Variants in TSPAN8 observed in about 807,000 individuals in gnomAD.
The protein encoded by TSPAN8 is tetraspanin-8.
TSPAN8 carries 21 observed loss-of-function variants against 32.8 expected under a neutral mutation model. The observed-to-expected ratio is 0.64, with a 90% CI of 0.45 to 0.92. TSPAN8 has a LOEUF of 0.92. Ranked by LOEUF, TSPAN8 falls within the 40% of genes least tolerant of loss-of-function variation. TSPAN8 has a pLI of 0.00. For missense variants in TSPAN8, 269 were observed against 281.9 expected, an observed-to-expected ratio of 0.95 and a Z score of 0.33; for synonymous variants, 95 against 94.6, an observed-to-expected ratio of 1.00 and a Z score of -0.03.
At chr12:71,133,095 A>AT (rs1195009935) in intron 6 of TSPAN8, among the ~76,000 whole-genome samples, 2 of 151,874 alleles carry the variant, frequency 1.3e-5, no homozygotes, top group Non-Finnish European at 2.9e-5. Context: ...TTTTATTTTT[A>AT]TTTTTTTGAG....
Position 71,132,700 on chromosome 12 carries a change from T to C in TSPAN8, c.569A>G (p.Tyr190Cys). The stretch of plus-strand genomic sequence containing the variant: ...ATGTGATTTAGTTCTCACCTCTTTG[T>C]AAACTTGTTTTCCATTATAGCTTTG... Reference protein sequence around the residue: ...PCQSYNGKQVYKETCISFIKD... With the variant: ...PCQSYNGKQVCKETCISFIKD... Residue 190 changes from tyrosine to cysteine, a missense_variant, in exon 7 of 9, where the codon TAC becomes TGC. Coordinates refer to ENST00000247829, the MANE Select transcript of TSPAN8 (RefSeq NM_004616.3). 6.2e-7 allele frequency: 1 copy of C among 1,613,764 alleles called. No homozygotes were observed. Among genetic ancestry groups the C allele is most frequent in the South Asian group, 1.1e-5 (1 of 91,048 alleles).
At position 71,140,254 on chromosome 12, in the gene TSPAN8, C is replaced by T. The variant is rs559531324; in HGVS notation, c.124-406G>A. Among the ~76,000 whole-genome samples, 230 of 152,020 alleles carry T rather than the reference C, an allele frequency of 1.5e-3. 1 individual carries two copies. The highest frequency in any genetic ancestry group is 5.3e-3 in the African/African-American group (220 of 41,454). On this transcript the variant is annotated intron_variant, in intron 3 of 8. Transcript: ENST00000247829. ...AAGCTCTTTAAACTATTGATAGACA[C>T]AACAATATGAATTAATTTCAGAGTC...
chr12:71,135,782 T>G (rs79190273), intron 6 of TSPAN8, among the ~76,000 whole-genome samples: 1,714 of 152,200 alleles, frequency 0.011, 22 homozygotes, highest in African/African-American at 0.023. Flanking sequence ...TGATTACCTC[T>G]AGTCTATTTT....
intron 2 of TSPAN8, among the ~76,000 whole-genome samples, chr12:71,147,390 G>A (rs576687131): frequency 1.3e-5 from 2 of 152,158 alleles, no homozygotes; most frequent in Non-Finnish European, 1.5e-5. Context: ...AGGAGGAGGA[G>A]TGGATTTTGA....
At chr12:71,148,898 A>G (rs1247091950) in intron 2 of TSPAN8, among the ~76,000 whole-genome samples, 1 of 152,026 alleles carries the variant, frequency 6.6e-6, no homozygotes, top group African/African-American at 2.4e-5. Flanking sequence ...GCCTCCATTC[A>G]CTGTTTCATG....
At chr12:71,129,447 C>A in intron 7 of TSPAN8, 33 bp from the exon 8 acceptor site, 2 of 1,533,382 alleles carry the variant, frequency 1.3e-6, no homozygotes, top group South Asian at 1.2e-5. Context: ...AAAGTTACCT[C>A]TCAGAAAAAT....
chr12:71,132,729 T>G lies in TSPAN8; in HGVS notation c.540A>C (p.Pro180=), dbSNP rs769084520. The change falls in exon 7 of 9, where the codon CCA becomes CCC. Residue 180 remains proline, a synonymous_variant. Transcript: ENST00000247829. ...ELCACLDKQR[P]CQSYNGKQVY... ...CTTGTTTTCCATTATAGCTTTGGCATGGTCTCTGCTTATCTAGACAGGCAC... is the reference window on the plus strand; with the variant it reads ...CTTGTTTTCCATTATAGCTTTGGCAGGGTCTCTGCTTATCTAGACAGGCAC... The G allele has an allele frequency of 6.2e-7, 1 of 1,613,976 alleles. No homozygotes were observed. Among genetic ancestry groups the G allele is most frequent in the East Asian group, 2.2e-5 (1 of 44,808 alleles).
In TSPAN8 at chr12:71,139,818, AG is replaced by A; in HGVS notation, c.153del (p.Ser52ProfsTer8). ...AIFGSEDVGS[S>X]SYVAVDILIA... ...ATCAATATGTCCACAGCAACGTAGGAGCTAGAGCCTACATCTTCAGAACCAA... is the reference window on the plus strand; with the variant it reads ...ATCAATATGTCCACAGCAACGTAGGACTAGAGCCTACATCTTCAGAACCAA... On this transcript the variant is annotated frameshift_variant, in exon 4 of 9. Coordinates refer to ENST00000247829, the MANE Select transcript of TSPAN8 (RefSeq NM_004616.3). LOFTEE classifies it high-confidence loss of function. 1.2e-6 allele frequency: 2 copies of A among 1,612,876 alleles called. No homozygotes were observed. Among genetic ancestry groups the A allele is most frequent in the South Asian group, 2.2e-5 (2 of 90,928 alleles).
In TSPAN8 at chr12:71,143,531, A is replaced by G. The variant is rs11837807; in HGVS notation, c.123+620T>C. Among the ~76,000 whole-genome samples, 977 of 152,296 alleles carry G rather than the reference A, an allele frequency of 6.4e-3. 13 individuals are homozygous for G. Among genetic ancestry groups the G allele is most frequent in the African/African-American group, 0.022 (905 of 41,568 alleles). ...TGGGGGAGGAAAATGGGTCATGTTCATCTTATACATATAGCAATAATCTGG... is the reference window on the plus strand; with the variant it reads ...TGGGGGAGGAAAATGGGTCATGTTCGTCTTATACATATAGCAATAATCTGG... On this transcript the variant is annotated intron_variant, in intron 3 of 8. Transcript: ENST00000247829.
chr12:71,126,757 A>G (rs973668502), intron 8 of TSPAN8, among the ~76,000 whole-genome samples: 6 of 137,584 alleles, frequency 4.4e-5, no homozygotes, highest in East Asian at 2.1e-4. Flanking sequence ...CTCAGTGTGT[A>G]GCACTTTTTT....
chr12:71,135,713 G>T (rs139442717), intron 6 of TSPAN8, among the ~76,000 whole-genome samples: 20 of 152,252 alleles, frequency 1.3e-4, no homozygotes, highest in Middle Eastern at 3.4e-3. Flanking sequence ...TTGGCATGGA[G>T]ACCTTGAATC....
chr12:71,126,861 A>G (rs1871365789), intron 8 of TSPAN8, among the ~76,000 whole-genome samples: 1 of 151,962 alleles, frequency 6.6e-6, no homozygotes, highest in Non-Finnish European at 1.5e-5. Context: ...GGCTGTTTTA[A>G]GCTAGAGTAA....
chr12:71,136,176 T>C (rs1871690534), intron 6 of TSPAN8, among the ~76,000 whole-genome samples: 1 of 151,932 alleles, frequency 6.6e-6, no homozygotes, highest in South Asian at 2.1e-4. Flanking sequence ...AGTCGAACAA[T>C]AGCCATTCTC....
intron 8 of TSPAN8, 100 bp downstream of exon 8, chr12:71,129,231 G>GT: frequency 4.0e-6 from 5 of 1,260,148 alleles, no homozygotes; most frequent in Middle Eastern, 2.1e-4. Context: ...TGGTTGTTGT[G>GT]GTTTTTTTTT....
At chr12:71,148,760 T>C (rs1280858832) in intron 2 of TSPAN8, among the ~76,000 whole-genome samples, 1 of 152,246 alleles carries the variant, frequency 6.6e-6, no homozygotes, top group Non-Finnish European at 1.5e-5. Flanking sequence ...CTTTATTTAA[T>C]GTGATCTCTA....
intron 6 of TSPAN8, among the ~76,000 whole-genome samples, chr12:71,133,899 G>A (rs1314592087): frequency 6.6e-6 from 1 of 151,962 alleles, no homozygotes; most frequent in Non-Finnish European, 1.5e-5. Context: ...TGCAGAAATG[G>A]GAGGAAAAAA....
intron 6 of TSPAN8, among the ~76,000 whole-genome samples, chr12:71,133,157 C>T (rs1871574882): frequency 6.6e-6 from 1 of 152,088 alleles, no homozygotes; most frequent in East Asian, 1.9e-4. Flanking sequence ...GATCTCGGCT[C>T]ACTGCAACCT....
Position 71,129,503 on chromosome 12 carries a change from T to C in TSPAN8, c.577-89A>G, listed in dbSNP as rs926131655. ...ATTTTTATTAATCTGGTTGACTTTT[T>C]ACATTGCTATCAAGAAACACACTTA... On this transcript the variant is annotated intron_variant, in intron 7 of 8. Transcript: ENST00000247829. The C allele has an allele frequency of 2.1e-5, 27 of 1,298,078 alleles. No individual in the cohort carries two copies. The Admixed American group carries it at 6.0e-4, about 29-fold the overall frequency. The allele number at this position is 1,298,078 out of a possible 1,614,324, so 80.4% of individuals were successfully genotyped here. A position where few individuals can be genotyped will look rare whatever the true frequency, so the allele number is the denominator to read the frequency against.
chr12:71,157,331 C>CTTTAA (rs764220095), intron 2 of TSPAN8: 15 of 322,408 alleles, frequency 4.7e-5, no homozygotes, highest in Non-Finnish European at 8.1e-5. Context: ...GAAAATTGTC[C>CTTTAA]TTTAATTAAG....
Sources: allele counts gnomAD v4.1 joint callset (sites outside exome capture counted in the v4.1 genomes callset), GRCh38; gene constraint gnomAD v4.1.1; transcripts MANE v1.5; gene names NCBI Gene and HGNC (gene_info 2026-07-23, HGNC 2026-07-21).